Variants in NPAS3 observed in about 807,000 individuals in gnomAD.
The protein encoded by NPAS3 is neuronal PAS domain-containing protein 3.
In NPAS3, 14 loss-of-function variants were observed where a neutral mutation model predicts 73.1. The observed-to-expected ratio is 0.19, with a 90% CI of 0.13 to 0.30. The LOEUF is 0.30. Ranked by LOEUF, NPAS3 falls within the 10% of genes least tolerant of loss-of-function variation. NPAS3 has a pLI of 1.00. For synonymous variants in NPAS3, 620 were observed against 541.5 expected, an observed-to-expected ratio of 1.14 and a Z score of -2.01; for missense variants, 1,096 against 1,250.0, an observed-to-expected ratio of 0.88 and a Z score of 1.86.
chr14:33,082,910 T>G (rs4363768), intron 2 of NPAS3, among the ~76,000 whole-genome samples: 67,123 of 151,902 alleles, frequency 0.44, 16,603 homozygotes, highest in African/African-American at 0.68. Flanking sequence ...AGGCACAATG[T>G]CTCACATCTT....
intron 1 of NPAS3, among the ~76,000 whole-genome samples, chr14:32,980,488 TTAATCAAAA>T (rs1299361884): frequency 1.3e-5 from 2 of 152,224 alleles, no homozygotes; most frequent in East Asian, 1.9e-4. Flanking sequence ...TTGTTTCATA[TTAATCAAAA>T]TAACAAAAGG....
intron 1 of NPAS3, among the ~76,000 whole-genome samples, chr14:33,054,426 A>T: frequency 6.6e-6 from 1 of 152,334 alleles, no homozygotes; most frequent in East Asian, 1.9e-4. Flanking sequence ...TAAACTATGT[A>T]TACTTTATAT....
chr14:33,151,357 C>G (rs1338054831), intron 2 of NPAS3, among the ~76,000 whole-genome samples: 1 of 152,204 alleles, frequency 6.6e-6, no homozygotes, highest in Non-Finnish European at 1.5e-5. Context: ...GTAAGATCTT[C>G]ATGTGGTTAA....
chr14:33,275,306 C>G (rs2041280017), intron 3 of NPAS3, among the ~76,000 whole-genome samples: 1 of 152,124 alleles, frequency 6.6e-6, no homozygotes, highest in African/African-American at 2.4e-5. Flanking sequence ...CCAATTTTAA[C>G]AGTGCTAAAA....
chr14:33,228,130 T>C (rs1037042340), intron 3 of NPAS3, among the ~76,000 whole-genome samples: 1 of 152,242 alleles, frequency 6.6e-6, no homozygotes, highest in Non-Finnish European at 1.5e-5. Flanking sequence ...TGATTTTTAG[T>C]ACACATTCTA....
intron 4 of NPAS3, among the ~76,000 whole-genome samples, chr14:33,432,124 A>T (rs2048809170): frequency 6.6e-6 from 1 of 152,210 alleles, no homozygotes. Flanking sequence ...AAAGGAAAAA[A>T]TTCCACAGAG....
chr14:33,488,033 G>T (rs1209781121), intron 4 of NPAS3, among the ~76,000 whole-genome samples: 1 of 152,114 alleles, frequency 6.6e-6, no homozygotes, highest in Non-Finnish European at 1.5e-5. Context: ...GGTGGTACAG[G>T]AGTTATGAAA....
chr14:33,109,501 A>G (rs2042822033), intron 2 of NPAS3, among the ~76,000 whole-genome samples: 1 of 152,188 alleles, frequency 6.6e-6, no homozygotes, highest in South Asian at 2.1e-4. Flanking sequence ...ATATCCAAGT[A>G]TTAGCATGCT....
intron 3 of NPAS3, among the ~76,000 whole-genome samples, chr14:33,270,638 T>C (rs2041028600): frequency 1.3e-5 from 2 of 152,234 alleles, no homozygotes; most frequent in Non-Finnish European, 2.9e-5. Flanking sequence ...ATGAGGACCA[T>C]TGATAAGGTG....
intron 2 of NPAS3, among the ~76,000 whole-genome samples, chr14:33,092,115 G>A (rs2042246468): frequency 6.6e-6 from 1 of 152,124 alleles, no homozygotes; most frequent in African/African-American, 2.4e-5. Flanking sequence ...TGGAAGTTCT[G>A]GCCAGGGCAA....
chr14:33,263,454 C>G (rs1345292396), intron 3 of NPAS3, among the ~76,000 whole-genome samples: 1 of 152,032 alleles, frequency 6.6e-6, no homozygotes, highest in Non-Finnish European at 1.5e-5. Context: ...ATTTCTGAGG[C>G]CTCTGTTCTG....
chr14:33,276,177 C>G (rs1050033000), intron 3 of NPAS3, among the ~76,000 whole-genome samples: 10 of 152,182 alleles, frequency 6.6e-5, no homozygotes, highest in African/African-American at 2.2e-4. Context: ...TTAATTTGAC[C>G]TGAGAAAGTT....
At chr14:33,054,020 C>G (rs1444138108) in intron 1 of NPAS3, among the ~76,000 whole-genome samples, 7 of 152,258 alleles carry the variant, frequency 4.6e-5, no homozygotes, top group Admixed American at 1.3e-4. Flanking sequence ...TTAGGTCAAA[C>G]CAATTCTTTT....
intron 4 of NPAS3, among the ~76,000 whole-genome samples, chr14:33,419,249 G>C (rs1332167960): frequency 6.6e-6 from 1 of 151,860 alleles, no homozygotes; most frequent in Non-Finnish European, 1.5e-5. Flanking sequence ...TAAGGAGAAA[G>C]AGTAATAGCT....
At chr14:33,732,021 C>T (rs1440198487) in intron 6 of NPAS3, among the ~76,000 whole-genome samples, 2 of 152,102 alleles carry the variant, frequency 1.3e-5, no homozygotes, top group Non-Finnish European at 2.9e-5. Flanking sequence ...TCTCTAAATC[C>T]CAGATTTCTT....
intron 6 of NPAS3, among the ~76,000 whole-genome samples, chr14:33,725,019 G>C (rs1223254620): frequency 6.6e-6 from 1 of 152,136 alleles, no homozygotes; most frequent in Non-Finnish European, 1.5e-5. Flanking sequence ...TGAAAGTGAT[G>C]TAATAATACG....
chr14:33,516,114 G>A lies in NPAS3; in HGVS notation c.469-44007G>A, dbSNP rs536562294. On this transcript the variant is annotated intron_variant, in intron 4 of 11. Transcript: ENST00000356141. ...TATTTATAAAGCCCATTTTACAGATGAGTAAACTAAATTAAGCACCTTTGC... is the reference window on the plus strand; with the variant it reads ...TATTTATAAAGCCCATTTTACAGATAAGTAAACTAAATTAAGCACCTTTGC... 7.0e-4 allele frequency among the ~76,000 whole-genome samples: 107 copies of A among 151,898 alleles called. 1 individual carries two copies. In the Middle Eastern group the frequency reaches 0.014, roughly 19 times the overall value.
rs914302132 is a variant in NPAS3 at position 33,623,442 on chromosome 14, A to G, written c.559-52769A>G. On this transcript the variant is annotated intron_variant, in intron 5 of 11. Transcript: ENST00000356141. ...CATCAGCATTTGGACGCAGCTTCAC[A>G]ATACATCCAGAGTCTCACTGCTTCT... 4.1e-4 allele frequency among the ~76,000 whole-genome samples: 62 copies of G among 152,226 alleles called. 2 individuals carry two copies. The highest frequency in any genetic ancestry group is 2.9e-5 in the Non-Finnish European group (2 of 68,038).
chr14:33,229,439 C>T (rs1327588795), intron 3 of NPAS3, among the ~76,000 whole-genome samples: 1 of 152,158 alleles, frequency 6.6e-6, no homozygotes. Context: ...CGAGTGGCCA[C>T]AGTTCAAGCC....
Sources: allele counts gnomAD v4.1 joint callset (sites outside exome capture counted in the v4.1 genomes callset), GRCh38; gene constraint gnomAD v4.1.1; transcripts MANE v1.5; gene names NCBI Gene and HGNC (gene_info 2026-07-23, HGNC 2026-07-21).